UNC13C: variants seen among roughly 807,000 people sequenced by gnomAD.
UNC13C encodes unc-13 homolog C.
UNC13C carries 174 observed loss-of-function variants against 245.4 expected under a neutral mutation model. That is an observed-to-expected ratio of 0.71 (90% CI 0.63 to 0.80). UNC13C has a LOEUF of 0.80. UNC13C is among the 30% of genes least tolerant of loss of function. The pLI is 0.00. For synonymous variants in UNC13C, 992 were observed against 895.1 expected, an observed-to-expected ratio of 1.11 and a Z score of -1.93; for missense variants, 2,829 against 2,602.9, an observed-to-expected ratio of 1.09 and a Z score of -1.89.
At chr15:53,861,207 CTA>C in the UNC13C span, among the ~76,000 whole-genome samples, 2 of 152,212 alleles carry the variant, frequency 1.3e-5, no homozygotes, top group African/African-American at 4.8e-5. Context: ...TTCAAGGACT[CTA>C]TATGTGAGAC....
At chr15:54,174,265 T>A (rs1458875096) in intron 4 of UNC13C, among the ~76,000 whole-genome samples, 1 of 152,200 alleles carries the variant, frequency 6.6e-6, no homozygotes, top group Non-Finnish European at 1.5e-5. Flanking sequence ...TGAAACATTG[T>A]TTTCTCCTTA....
chr15:53,970,909 T>G, the UNC13C span, among the ~76,000 whole-genome samples: 1 of 152,172 alleles, frequency 6.6e-6, no homozygotes, highest in East Asian at 1.9e-4. Flanking sequence ...TTTATTCTAT[T>G]TTTGAATTTT....
chr15:54,568,089 G>T, intron 30 of UNC13C, 142 bp downstream of exon 30: 1 of 504,060 alleles, frequency 2.0e-6, no homozygotes. Flanking sequence ...ATGGTTAATA[G>T]AGAATACCAA....
At chr15:53,913,881 G>A in the UNC13C span, 1 of 152,250 alleles carries the variant, frequency 6.6e-6, no homozygotes, top group South Asian at 2.1e-4. Context: ...GTCCAGCCTA[G>A]TACTAACACC....
chr15:54,295,656 A>AAT (rs1555445448), intron 11 of UNC13C, among the ~76,000 whole-genome samples: 5 of 146,558 alleles, frequency 3.4e-5, no homozygotes, highest in South Asian at 2.2e-4. Flanking sequence ...TTGTAAAAAA[A>AAT]AAATAAATAC....
intron 2 of UNC13C, among the ~76,000 whole-genome samples, chr15:54,066,343 G>A (rs1490272776): frequency 6.6e-6 from 1 of 152,156 alleles, no homozygotes; most frequent in Admixed American, 6.5e-5. Context: ...AATTTCTCTG[G>A]TGAACCTGAG....
intron 1 of UNC13C, among the ~76,000 whole-genome samples, chr15:53,987,462 A>T (rs1894192977): frequency 1.3e-5 from 2 of 152,086 alleles, no homozygotes; most frequent in South Asian, 4.1e-4. Flanking sequence ...CCTCCAGAAT[A>T]GCAATTCAAA....
At chr15:54,321,574 C>G (rs567773984) in intron 13 of UNC13C, 8 of 395,082 alleles carry the variant, frequency 2.0e-5, no homozygotes, top group Non-Finnish European at 3.9e-5. Flanking sequence ...TTCCCCGTCA[C>G]CCCTCAGACT....
chr15:53,946,593 C>T, the UNC13C span, among the ~76,000 whole-genome samples: 35 of 151,006 alleles, frequency 2.3e-4, no homozygotes, highest in African/African-American at 5.6e-4. Context: ...CAGTGGCACA[C>T]GCCTGTAGTC....
At chr15:54,593,525 T>C (rs1234019197) in intron 30 of UNC13C, among the ~76,000 whole-genome samples, 2 of 152,158 alleles carry the variant, frequency 1.3e-5, no homozygotes, top group Non-Finnish European at 2.9e-5. Context: ...GTTCACATTT[T>C]CTTATTCTTT....
chr15:54,110,192 A>G lies in UNC13C; in HGVS notation c.2984-32826A>G, dbSNP rs1238168398. On this transcript the variant is annotated intron_variant, in intron 2 of 32. Transcript: ENST00000260323. ...CTACTCAGGAGGCTGAGGCATGAGAATTGCATGAACCCAGGAGGCAGAGGT... is the reference window on the plus strand; with the variant it reads ...CTACTCAGGAGGCTGAGGCATGAGAGTTGCATGAACCCAGGAGGCAGAGGT... Among the ~76,000 whole-genome samples, 6 of 152,168 alleles carry G rather than the reference A, an allele frequency of 3.9e-5. No homozygotes were observed. In the East Asian group the frequency reaches 1.2e-3, roughly 30 times the overall value.
chr15:54,331,223 TA>T (rs1346019286), intron 14 of UNC13C, among the ~76,000 whole-genome samples: 1 of 152,112 alleles, frequency 6.6e-6, no homozygotes, highest in Non-Finnish European at 1.5e-5. Flanking sequence ...TCTCCCATTT[TA>T]TTTTTTGATG....
chr15:54,350,361 A>C (rs1028368900), intron 17 of UNC13C, among the ~76,000 whole-genome samples: 2 of 152,228 alleles, frequency 1.3e-5, no homozygotes, highest in Non-Finnish European at 2.9e-5. Context: ...AAATAGGCAA[A>C]CACCAAACTC....
At chr15:53,958,351 T>C in the UNC13C span, among the ~76,000 whole-genome samples, 2 of 152,206 alleles carry the variant, frequency 1.3e-5, no homozygotes, top group African/African-American at 4.8e-5. Context: ...TAGATCATTC[T>C]TTATCTCTTT....
intron 4 of UNC13C, among the ~76,000 whole-genome samples, chr15:54,176,305 G>C (rs1389676110): frequency 6.6e-6 from 1 of 152,116 alleles, no homozygotes; most frequent in African/African-American, 2.4e-5. Context: ...GCTTCTAGAA[G>C]ATAGGAGCCA....
At chr15:54,400,467 G>T (rs1567240116) in intron 18 of UNC13C, among the ~76,000 whole-genome samples, 1 of 151,966 alleles carries the variant, frequency 6.6e-6, no homozygotes, top group African/African-American at 2.4e-5. Flanking sequence ...CTTCCTTGTG[G>T]TGCTATTTAA....
At chr15:54,452,315 C>A (rs181409413) in intron 19 of UNC13C, among the ~76,000 whole-genome samples, 35 of 152,068 alleles carry the variant, frequency 2.3e-4, no homozygotes, top group African/African-American at 8.0e-4. Flanking sequence ...TCCTTGTGGC[C>A]CTGGATAGTG....
intron 30 of UNC13C, among the ~76,000 whole-genome samples, chr15:54,620,503 G>A (rs1411203473): frequency 6.6e-6 from 1 of 152,026 alleles, no homozygotes; most frequent in East Asian, 1.9e-4. Flanking sequence ...CCCAATCCAG[G>A]TTCATACTGT....
chr15:54,450,823 T>C (rs1416672781), intron 19 of UNC13C, among the ~76,000 whole-genome samples: 1 of 152,082 alleles, frequency 6.6e-6, no homozygotes, highest in Non-Finnish European at 1.5e-5. Flanking sequence ...ACCCAGTACC[T>C]CAGTTGGAAA....
Sources: allele counts gnomAD v4.1 joint callset (sites outside exome capture counted in the v4.1 genomes callset), GRCh38; gene constraint gnomAD v4.1.1; transcripts MANE v1.5; gene names NCBI Gene and HGNC (gene_info 2026-07-23, HGNC 2026-07-21).